The following PDZRN3 variants were observed in gnomAD, a reference collection of about 807,000 sequenced individuals.
PDZRN3 encodes the protein E3 ubiquitin-protein ligase PDZRN3.
PDZRN3 carries 38 observed loss-of-function variants against 85.7 expected under a neutral mutation model. That is an observed-to-expected ratio of 0.44 (90% CI 0.34 to 0.58). PDZRN3 has a LOEUF of 0.58. PDZRN3 is among the 20% of genes least tolerant of loss of function. The probability of loss-of-function intolerance (pLI) is 0.01; values close to 1 mark genes in which losing one functional copy is unlikely to be tolerated. For missense variants in PDZRN3, 1,629 were observed against 1,506.4 expected (o/e 1.08, Z -1.35); for synonymous variants, 759 against 638.0 (o/e 1.19, Z -2.86).
chr3:73,564,354 T>C (rs914859420), intron 3 of PDZRN3, among the ~76,000 whole-genome samples: 1 of 152,168 alleles, frequency 6.6e-6, no homozygotes, highest in Non-Finnish European at 1.5e-5. Flanking sequence ...AGCACCTGGG[T>C]TTGTTTTCAC....
intron 3 of PDZRN3, among the ~76,000 whole-genome samples, chr3:73,518,370 G>A (rs556923000): frequency 3.3e-5 from 5 of 152,204 alleles, no homozygotes; most frequent in South Asian, 2.1e-4. Context: ...GGTAATTATC[G>A]TTTAACAGAT....
rs769890509 is a variant in PDZRN3 at position 73,443,482 on chromosome 3, T to TTTTC, written c.919-39088_919-39087insGAAA. 8.2e-3 allele frequency among the ~76,000 whole-genome samples: 372 copies of TTTTC among 45,152 alleles called. 5 individuals are homozygous for TTTTC. The East Asian group carries it at 0.11, about 13-fold the overall frequency. The allele number at this position is 45,152 out of a possible 152,430, so 29.6% of individuals were successfully genotyped here. A position where few individuals can be genotyped will look rare whatever the true frequency, so the allele number is the denominator to read the frequency against. On this transcript the variant is annotated intron_variant, in intron 3 of 9. Transcript: ENST00000263666. ...AACTTGATTTATTTTCCTTTTTCTT[T>TTTTC]TTTTTTTTTTTTTTTTGGGGGGGGG...
chr3:73,533,334 C>T (rs1488783300), intron 3 of PDZRN3, among the ~76,000 whole-genome samples: 1 of 152,116 alleles, frequency 6.6e-6, no homozygotes, highest in African/African-American at 2.4e-5. Flanking sequence ...GACAATGGAG[C>T]CATTGCGAAG....
chr3:73,521,856 G>A (rs901014908), intron 3 of PDZRN3, among the ~76,000 whole-genome samples: 1 of 152,100 alleles, frequency 6.6e-6, no homozygotes, highest in South Asian at 2.1e-4. Context: ...CATGGGGAAG[G>A]ACGAGTTGTA....
chr3:73,426,505 T>G (rs1030113955), intron 3 of PDZRN3, among the ~76,000 whole-genome samples: 1 of 152,212 alleles, frequency 6.6e-6, no homozygotes, highest in African/African-American at 2.4e-5. Context: ...TGAAAAAAGT[T>G]CTCAAACAAA....
At chr3:73,600,155 A>C (rs901056119) in intron 3 of PDZRN3, among the ~76,000 whole-genome samples, 2 of 152,146 alleles carry the variant, frequency 1.3e-5, no homozygotes, top group Non-Finnish European at 2.9e-5. Context: ...GCAGCAAAGA[A>C]AAGACTCAAT....
At chr3:73,574,441 T>G (rs1316559145) in intron 3 of PDZRN3, among the ~76,000 whole-genome samples, 1 of 119,976 alleles carries the variant, frequency 8.3e-6, no homozygotes, top group Admixed American at 8.3e-5. Flanking sequence ...GAAGAAGCAC[T>G]TTTTTTTGGC....
intron 6 of PDZRN3, 134 bp from the exon 7 acceptor site, chr3:73,390,012 TTA>T (rs1701487401): frequency 2.8e-6 from 2 of 714,146 alleles, no homozygotes; most frequent in Non-Finnish European, 5.0e-6. Flanking sequence ...TAAACAAGAC[TTA>T]GTGTCGTGCA....
At chr3:73,557,161 T>A (rs767421573) in intron 3 of PDZRN3, among the ~76,000 whole-genome samples, 9 of 152,174 alleles carry the variant, frequency 5.9e-5, no homozygotes, top group Non-Finnish European at 1.2e-4. Context: ...TCCCAGCAGC[T>A]GCACAGGGAA....
chr3:73,537,955 G>A (rs1424190054), intron 3 of PDZRN3, among the ~76,000 whole-genome samples: 2 of 152,098 alleles, frequency 1.3e-5, no homozygotes, highest in African/African-American at 4.8e-5. Context: ...GAAATGATGG[G>A]AGGCCTTTTT....
Position 73,602,430 on chromosome 3 carries a change from A to T in PDZRN3, c.842T>A (p.Ile281Asn). 2 of 1,607,586 alleles carry T rather than the reference A, an allele frequency of 1.2e-6. No individual in the cohort carries two copies. The highest frequency in any genetic ancestry group is 1.7e-6 in the Non-Finnish European group (2 of 1,174,646). Reference sequence around the variant, plus strand: ...ACTGTCAACTATCTTGGATACAAAGATTCCTTCACTGGATGATCCATCGTG... The same window carrying T: ...ACTGTCAACTATCTTGGATACAAAGTTTCCTTCACTGGATGATCCATCGTG... The part of the protein sequence containing the change: ...DNHDGSSSEG[I>N]FVSKIVDSGP... The change falls in exon 3 of 10, where the codon ATC becomes AAC. Residue 281 changes from isoleucine to asparagine, a missense_variant. Transcript: ENST00000263666.
At chr3:73,552,499 A>G (rs1163735028) in intron 3 of PDZRN3, among the ~76,000 whole-genome samples, 1 of 152,184 alleles carries the variant, frequency 6.6e-6, no homozygotes, top group Non-Finnish European at 1.5e-5. Context: ...TGGAAGAAAT[A>G]CAAAATACAA....
chr3:73,597,060 T>C (rs1438177461), intron 3 of PDZRN3, among the ~76,000 whole-genome samples: 1 of 152,216 alleles, frequency 6.6e-6, no homozygotes, highest in Admixed American at 6.5e-5. Flanking sequence ...TCTACAAGTC[T>C]GAAATTATGT....
Position 73,562,983 on chromosome 3 carries a change from TTATATATATATA to T in PDZRN3, c.918+39359_918+39370del, listed in dbSNP as rs56679097. On this transcript the variant is annotated intron_variant, in intron 3 of 9. Transcript: ENST00000263666. ...TAACCATGGGCTGCAAGTTGGCAAATTATATATATATATATATATATATATATATATTTTTTT... is the reference window on the plus strand; with the variant it reads ...TAACCATGGGCTGCAAGTTGGCAAATTATATATATATATATATATTTTTTT... Among the ~76,000 whole-genome samples the T allele has an allele frequency of 2.5e-3, 48 of 18,960 alleles. 2 individuals carry two copies. The highest frequency in any genetic ancestry group is 5.4e-3 in the African/African-American group (40 of 7,358). The allele number at this position is 18,960 out of a possible 152,430, so 12.4% of individuals were successfully genotyped here.
chr3:73,391,509 G>C (rs1701527202), intron 5 of PDZRN3, among the ~76,000 whole-genome samples: 1 of 152,166 alleles, frequency 6.6e-6, no homozygotes, highest in Non-Finnish European at 1.5e-5. Context: ...TGTTTGGTTA[G>C]ATTATTTCAC....
At chr3:73,490,919 C>G (rs1014007356) in intron 3 of PDZRN3, among the ~76,000 whole-genome samples, 2 of 152,212 alleles carry the variant, frequency 1.3e-5, no homozygotes, top group Non-Finnish European at 2.9e-5. Flanking sequence ...GCACAGCAGT[C>G]CTTCAACGCA....
intron 3 of PDZRN3, among the ~76,000 whole-genome samples, chr3:73,494,881 C>G (rs903792893): frequency 1.3e-5 from 2 of 152,124 alleles, no homozygotes; most frequent in African/African-American, 4.8e-5. Flanking sequence ...AACACCCAAT[C>G]GAGAAAACAT....
chr3:73,384,137 G>C lies in PDZRN3; in HGVS notation c.2429C>G (p.Ser810Cys), dbSNP rs1262067345. 1 of 1,614,006 alleles carries C rather than the reference G, an allele frequency of 6.2e-7. No individual in the cohort carries two copies. Among genetic ancestry groups the C allele is most frequent in the African/African-American group, 1.3e-5 (1 of 74,946 alleles). ...GCCCACTTCGGGATCTTCCGTGATG[G>C]AGAGCAGATTCTTGGAGGCTGGCCC... ...AYGPASKNLL[S>C]ITEDPEVGTP... The change falls in exon 10 of 10, where the codon TCC becomes TGC. Residue 810 changes from serine to cysteine, a missense_variant. Ser to Cys is a moderately radical substitution (Grantham distance 112, BLOSUM62 -1). Transcript: ENST00000263666.
chr3:73,423,528 C>T (rs776086349), intron 3 of PDZRN3, among the ~76,000 whole-genome samples: 1 of 152,168 alleles, frequency 6.6e-6, no homozygotes, highest in Non-Finnish European at 1.5e-5. Flanking sequence ...AAAAGATAAA[C>T]TTTTTGCTTA....
Sources: allele counts gnomAD v4.1 joint callset (sites outside exome capture counted in the v4.1 genomes callset), GRCh38; gene constraint gnomAD v4.1.1; transcripts MANE v1.5; gene names NCBI Gene and HGNC (gene_info 2026-07-23, HGNC 2026-07-21).